ARB2A: variants seen among roughly 807,000 people sequenced by gnomAD.
ARB2A encodes cotranscriptional regulator ARB2A.
chr5:93,907,487 T>G, the ARB2A span, among the ~76,000 whole-genome samples: 1 of 151,390 alleles, frequency 6.6e-6, no homozygotes, highest in Non-Finnish European at 1.5e-5. Context: ...ATACTGTATT[T>G]TTTTTCTGAG....
the ARB2A span, among the ~76,000 whole-genome samples, chr5:94,002,753 TA>T: frequency 6.6e-6 from 1 of 151,992 alleles, no homozygotes; most frequent in Non-Finnish European, 1.5e-5. Flanking sequence ...TATCATTTTG[TA>T]ACTAAAAGAA....
the ARB2A span, among the ~76,000 whole-genome samples, chr5:94,028,991 G>T: frequency 6.6e-6 from 1 of 152,070 alleles, no homozygotes; most frequent in Non-Finnish European, 1.5e-5. Context: ...TGGGTGGCGG[G>T]GGGAGGGAGT....
chr5:93,861,779 C>T, the ARB2A span: 1 of 152,234 alleles, frequency 6.6e-6, no homozygotes, highest in Non-Finnish European at 1.5e-5. Flanking sequence ...TAGTCACATA[C>T]ATGATCTCAC....
At chr5:93,892,917 A>G in the ARB2A span, among the ~76,000 whole-genome samples, 1 of 152,168 alleles carries the variant, frequency 6.6e-6, no homozygotes, top group Non-Finnish European at 1.5e-5. Context: ...ATCTAAAATC[A>G]TATTCATTGT....
chr5:93,797,896 C>G, the ARB2A span, among the ~76,000 whole-genome samples: 1 of 151,990 alleles, frequency 6.6e-6, no homozygotes, highest in East Asian at 1.9e-4. Flanking sequence ...CTATATTGTT[C>G]TTTTAGGCAT....
At chr5:93,644,552 C>G in the ARB2A span, among the ~76,000 whole-genome samples, 5 of 152,064 alleles carry the variant, frequency 3.3e-5, no homozygotes, top group Non-Finnish European at 7.4e-5. Flanking sequence ...AGAACAGACT[C>G]AAATAGAAAA....
the ARB2A span, chr5:93,733,345 C>T: frequency 6.6e-6 from 1 of 151,940 alleles, no homozygotes; most frequent in East Asian, 1.9e-4. Flanking sequence ...GGACTACAGG[C>T]ATGCATCACC....
chr5:93,805,173 T>C, the ARB2A span: 6 of 984,902 alleles, frequency 6.1e-6, no homozygotes, highest in South Asian at 1.9e-4. Context: ...AATCTAAATA[T>C]ATGATGCTTT....
chr5:93,756,142 G>A, the ARB2A span, among the ~76,000 whole-genome samples: 2 of 152,120 alleles, frequency 1.3e-5, no homozygotes, highest in African/African-American at 4.8e-5. Context: ...ACTCTGCAGA[G>A]GCAGCCATAA....
chr5:93,908,683 T>C, the ARB2A span, among the ~76,000 whole-genome samples: 1 of 150,990 alleles, frequency 6.6e-6, no homozygotes, highest in Non-Finnish European at 1.5e-5. Context: ...AGTTTTTTTT[T>C]ACAATTTCTA....
the ARB2A span, among the ~76,000 whole-genome samples, chr5:93,921,610 G>A: frequency 1.3e-5 from 2 of 151,976 alleles, no homozygotes; most frequent in Admixed American, 6.6e-5. Flanking sequence ...TGCCACAAAA[G>A]ACATTTATTA....
At chr5:94,005,215 T>C in the ARB2A span, among the ~76,000 whole-genome samples, 1 of 152,072 alleles carries the variant, frequency 6.6e-6, no homozygotes, top group African/African-American at 2.4e-5. Flanking sequence ...GTTGTTGTTG[T>C]TGTTTTTGAA....
At chr5:94,087,094 G>A in the ARB2A span, among the ~76,000 whole-genome samples, 1 of 151,996 alleles carries the variant, frequency 6.6e-6, no homozygotes, top group African/African-American at 2.4e-5. Flanking sequence ...GTAGGCCTGG[G>A]CTAATACGTA....
the ARB2A span, among the ~76,000 whole-genome samples, chr5:93,749,166 G>A: frequency 6.6e-6 from 1 of 151,952 alleles, no homozygotes; most frequent in South Asian, 2.1e-4. Flanking sequence ...TGTCATGTGT[G>A]TTGGTCAAGT....
At chr5:94,056,867 G>A in the ARB2A span, among the ~76,000 whole-genome samples, 3 of 152,156 alleles carry the variant, frequency 2.0e-5, no homozygotes, top group Non-Finnish European at 2.9e-5. Flanking sequence ...ATATTATTCT[G>A]GGTGTGACTG....
the ARB2A span, among the ~76,000 whole-genome samples, chr5:93,900,630 AAAG>A: frequency 6.6e-6 from 1 of 151,782 alleles, no homozygotes; most frequent in Non-Finnish European, 1.5e-5. Context: ...AAAAAAAAAA[AAAG>A]GTAATATGTG....
chr5:93,879,795 T>A, the ARB2A span, among the ~76,000 whole-genome samples: 1 of 151,906 alleles, frequency 6.6e-6, no homozygotes, highest in South Asian at 2.1e-4. Context: ...AAAAAAAAAT[T>A]GTTTAAGAAG....
chr5:93,647,559 T>C, the ARB2A span, among the ~76,000 whole-genome samples: 1 of 151,920 alleles, frequency 6.6e-6, no homozygotes, highest in Non-Finnish European at 1.5e-5. Flanking sequence ...GTTTTTGAGA[T>C]GAAGTCTCGC....
the ARB2A span, among the ~76,000 whole-genome samples, chr5:93,949,761 TG>T: frequency 6.6e-6 from 1 of 152,076 alleles, no homozygotes; most frequent in African/African-American, 2.4e-5. Context: ...ACTATAGCTT[TG>T]TACCCATTAA....
Sources: gnomAD v4.1 joint callset for allele counts (sites outside exome capture counted in the v4.1 genomes callset) on GRCh38, gnomAD v4.1.1 for gene constraint, MANE v1.5 for transcripts, NCBI Gene and HGNC (gene_info 2026-07-23, HGNC 2026-07-21) for gene names.